NR1I2: variants seen among roughly 807,000 people sequenced by gnomAD.
NR1I2 encodes nuclear receptor subfamily 1 group I member 2.
NR1I2 carries 42 observed loss-of-function variants against 43.3 expected under a neutral mutation model. That is an observed-to-expected ratio of 0.97 (90% CI 0.76 to 1.26). The LOEUF (loss-of-function observed/expected upper bound fraction) is 1.26, where lower values mean the gene tolerates loss of function less well. Among genes scored for constraint, NR1I2 ranks in the 50% most tolerant of loss-of-function variants. NR1I2 has a pLI of 0.00. For missense variants in NR1I2, 559 were observed against 566.7 expected (o/e 0.99, Z 0.14); for synonymous variants, 229 against 215.0 (o/e 1.06, Z -0.57).
intron 1 of NR1I2, among the ~76,000 whole-genome samples, chr3:119,802,254 T>C (rs1424031577): frequency 2.0e-5 from 3 of 152,178 alleles, no homozygotes. Context: ...CAAAACAAAA[T>C]GAAAGTTATA....
At chr3:119,790,180 G>C (rs572915221) in intron 1 of NR1I2, among the ~76,000 whole-genome samples, 2 of 152,164 alleles carry the variant, frequency 1.3e-5, no homozygotes, top group African/African-American at 4.8e-5. Context: ...TCTGTGACTG[G>C]CTTATTTCAC....
At chr3:119,795,654 T>G (rs943792502) in intron 1 of NR1I2, among the ~76,000 whole-genome samples, 1 of 152,192 alleles carries the variant, frequency 6.6e-6, no homozygotes, top group African/African-American at 2.4e-5. Flanking sequence ...TTTCTTTCAC[T>G]TGGCTTCTTG....
chr3:119,808,570 C>T (rs2055193351), intron 2 of NR1I2, among the ~76,000 whole-genome samples: 3 of 152,258 alleles, frequency 2.0e-5, no homozygotes, highest in Admixed American at 2.0e-4. Flanking sequence ...GTGCATCCTG[C>T]CTCAGCATGC....
chr3:119,810,947 T>C (rs73175823), intron 3 of NR1I2: 180 of 153,570 alleles, frequency 1.2e-3, no homozygotes, highest in Non-Finnish European at 2.2e-3. Flanking sequence ...AAGAAGTCTC[T>C]GGAGTTGCTA....
intron 1 of NR1I2, among the ~76,000 whole-genome samples, chr3:119,800,868 A>G (rs1457396824): frequency 1.3e-5 from 2 of 152,242 alleles, no homozygotes; most frequent in East Asian, 3.8e-4. Flanking sequence ...CCACCTAGGA[A>G]AAAGTTTGCA....
rs1236588953 is a variant in NR1I2 at position 119,805,709 on chromosome 3, C to CCCA, written c.-22-1518_-22-1517insACC. 2.7e-4 allele frequency among the ~76,000 whole-genome samples: 12 copies of CCCA among 44,112 alleles called. 3 individuals are homozygous for CCCA. Among genetic ancestry groups the CCCA allele is most frequent in the Non-Finnish European group, 2.5e-4 (3 of 12,128 alleles). 28.9% of individuals were successfully genotyped at this position (44,112 alleles called of 152,430 possible). On this transcript the variant is annotated intron_variant, in intron 1 of 8. Transcript: ENST00000393716. Reference sequence around the variant, plus strand: ...CAGAGCAAGACTTGGTCCCCCCCTCCCCCCCACCAAAAAAAAAAGAAAAGA... The same window carrying CCCA: ...CAGAGCAAGACTTGGTCCCCCCCTCCCCACCCCCACCAAAAAAAAAAGAAAAGA...
At chr3:119,798,657 A>AAAAAAAG (rs2055034203) in intron 1 of NR1I2, among the ~76,000 whole-genome samples, 2 of 148,284 alleles carry the variant, frequency 1.3e-5, no homozygotes, top group African/African-American at 4.9e-5. Flanking sequence ...AAAAAAAAGA[A>AAAAAAAG]AAAGAAAGAA....
At chr3:119,811,302 A>G (rs2055237735) in intron 3 of NR1I2, 2 of 482,594 alleles carry the variant, frequency 4.1e-6, no homozygotes, top group South Asian at 3.5e-5. Flanking sequence ...TGTCCTCACA[A>G]ACTCCACTGC....
In NR1I2 at chr3:119,818,017, A is replaced by T. The variant is rs750162698; in HGVS notation, c.*805A>T. On this transcript the variant is annotated 3_prime_UTR_variant, in exon 9 of 9. Coordinates refer to ENST00000393716, the MANE Select transcript of NR1I2 (RefSeq NM_003889.4). ...GATAAGTGACAAAAGCAGCACAAGGAATTTCCCTGTGTGGATGCTGAGCTG... is the reference window on the plus strand; with the variant it reads ...GATAAGTGACAAAAGCAGCACAAGGTATTTCCCTGTGTGGATGCTGAGCTG... 3.0e-6 allele frequency: 3 copies of T among 985,460 alleles called. No individual in the cohort carries two copies. The highest frequency in any genetic ancestry group is 6.1e-5 in the Admixed American group (1 of 16,278). 61.0% of individuals were successfully genotyped at this position (985,460 alleles called of 1,614,324 possible).
chr3:119,799,984 A>AG (rs1491483864), intron 1 of NR1I2, among the ~76,000 whole-genome samples: 1 of 118,672 alleles, frequency 8.4e-6, no homozygotes, highest in East Asian at 2.1e-4. Context: ...ACAAACAAAC[A>AG]AACACACACA....
chr3:119,797,209 T>TGTGTGTGC, intron 1 of NR1I2, among the ~76,000 whole-genome samples: 1 of 150,258 alleles, frequency 6.7e-6, no homozygotes, highest in South Asian at 2.1e-4. Context: ...TGTGTGTGTG[T>TGTGTGTGC]GTGTGTGTCC....
intron 1 of NR1I2, among the ~76,000 whole-genome samples, chr3:119,800,623 G>A (rs1417429795): frequency 6.6e-6 from 1 of 152,106 alleles, no homozygotes; most frequent in East Asian, 1.9e-4. Context: ...ATGCGGTCTT[G>A]CTGTATTACC....
chr3:119,799,136 G>A (rs2055041608), intron 1 of NR1I2, among the ~76,000 whole-genome samples: 1 of 152,144 alleles, frequency 6.6e-6, no homozygotes, highest in Admixed American at 6.5e-5. Flanking sequence ...TTAAGTGGCT[G>A]CACCATTTTA....
intron 1 of NR1I2, among the ~76,000 whole-genome samples, chr3:119,799,562 TA>T (rs1459164036): frequency 6.6e-6 from 1 of 152,206 alleles, no homozygotes; most frequent in African/African-American, 2.4e-5. Context: ...TTTTGTGCCA[TA>T]TTTTTTCTGA....
intron 4 of NR1I2, 68 bp downstream of exon 4, chr3:119,811,794 C>T (rs1490620144): frequency 3.0e-5 from 43 of 1,447,290 alleles, no homozygotes; most frequent in Non-Finnish European, 3.7e-5. Flanking sequence ...AACTGAGGTT[C>T]CCCAAGGATA....
chr3:119,809,933 G>GA, intron 2 of NR1I2, 128 bp from the exon 3 acceptor site: 1 of 1,232,150 alleles, frequency 8.1e-7, no homozygotes, highest in Non-Finnish European at 1.2e-6. Flanking sequence ...ACCCAGCTGG[G>GA]ACGCAAAGGC....
chr3:119,785,716 A>T (rs1346993492), intron 1 of NR1I2, among the ~76,000 whole-genome samples: 1 of 152,104 alleles, frequency 6.6e-6, no homozygotes, highest in East Asian at 1.9e-4. Context: ...TAATCTTATA[A>T]ATTTTGGCCT....
chr3:119,812,606 T>C, intron 4 of NR1I2, 80 bp from the exon 5 acceptor site: 1 of 1,563,564 alleles, frequency 6.4e-7, no homozygotes, highest in Middle Eastern at 2.3e-4. Flanking sequence ...CTGTGCATGT[T>C]TGGCTGGGGC....
chr3:119,814,977 A>G lies in NR1I2; in HGVS notation c.795-2A>G, dbSNP rs149853698. The G allele has an allele frequency of 2.0e-5, 32 of 1,614,098 alleles. No individual in the cohort carries two copies. The African/African-American group carries it at 3.7e-4, about 19-fold the overall frequency. On this transcript the variant is annotated splice_acceptor_variant, in intron 5 of 8. Transcript: ENST00000393716. LOFTEE classifies it high-confidence loss of function. ...TCCTCCCCTCCCCATCCTTGCTGCC[A>G]GGGACTTGCCCATCGAGGACCAGAT...
Sources: allele counts gnomAD v4.1 joint callset (sites outside exome capture counted in the v4.1 genomes callset), GRCh38; gene constraint gnomAD v4.1.1; transcripts MANE v1.5; gene names NCBI Gene and HGNC (gene_info 2026-07-23, HGNC 2026-07-21).